OPRM1: variants seen among roughly 807,000 people sequenced by gnomAD.
The protein encoded by OPRM1 is mu-type opioid receptor.
Under a neutral mutation model 31.8 loss-of-function variants are expected in OPRM1, and 27 were observed. The observed-to-expected ratio is 0.85, with a 90% CI of 0.63 to 1.17. The LOEUF (loss-of-function observed/expected upper bound fraction) is 1.17, where lower values mean the gene tolerates loss of function less well. OPRM1 is among the 50% of genes most tolerant of loss of function. OPRM1 has a pLI of 0.00. For missense variants in OPRM1, 536 were observed against 511.1 expected (o/e 1.05, Z -0.47); for synonymous variants, 196 against 189.9 (o/e 1.03, Z -0.26).
chr6:154,169,019 A>G (rs576829759), intron 3 of OPRM1, among the ~76,000 whole-genome samples: 1 of 152,018 alleles, frequency 6.6e-6, no homozygotes, highest in East Asian at 1.9e-4. Context: ...AACAACTCCA[A>G]AAGTCTTAAC....
intron 1 of OPRM1, among the ~76,000 whole-genome samples, chr6:154,049,519 G>T (rs1781800120): frequency 6.6e-6 from 1 of 152,112 alleles, no homozygotes; most frequent in Admixed American, 6.6e-5. Flanking sequence ...AATATTAATA[G>T]ATTTTAGTGA....
At chr6:154,153,614 G>C (rs1042575454) in intron 3 of OPRM1, among the ~76,000 whole-genome samples, 3 of 151,854 alleles carry the variant, frequency 2.0e-5, no homozygotes, top group African/African-American at 7.3e-5. Flanking sequence ...GAACCCGGGA[G>C]GCGGAGGTTG....
rs1797785335 is a variant in OPRM1, at chr6:154,129,831, C to T, written c.*11110C>T. On this transcript the variant is annotated 3_prime_UTR_variant, in exon 4 of 4. Transcript: ENST00000330432. ...ACTTTGCATTTTAAGCGTACTTTAC[C>T]ACCGACACCCTCCCCCCCCAGCACA... 6.8e-6 allele frequency among the ~76,000 whole-genome samples: 1 copy of T among 146,734 alleles called. No homozygotes were observed. Among genetic ancestry groups the T allele is most frequent in the Admixed American group, 6.8e-5 (1 of 14,720 alleles).
Position 154,130,153 on chromosome 6 carries a change from G to T in OPRM1, c.*11432G>T, listed in dbSNP as rs1198208305. ...TCTCTACCCAAACCATCGATTTCAT[G>T]GAAATGTTTAAATTTTCTTTTTTTT... On this transcript the variant is annotated 3_prime_UTR_variant, in exon 4 of 4. Transcript: ENST00000330432. Among the ~76,000 whole-genome samples, 1 of 146,234 alleles carries T rather than the reference G, an allele frequency of 6.8e-6. No homozygotes were observed. Among genetic ancestry groups the T allele is most frequent in the Non-Finnish European group, 1.5e-5 (1 of 67,366 alleles).
intron 3 of OPRM1, among the ~76,000 whole-genome samples, chr6:154,099,959 T>G (rs1794307380): frequency 7.0e-6 from 1 of 141,982 alleles, no homozygotes; most frequent in African/African-American, 2.6e-5. Flanking sequence ...AACATATATA[T>G]TATCATATTA....
At chr6:154,214,026 T>C (rs888797583) in intron 3 of OPRM1, among the ~76,000 whole-genome samples, 1 of 152,184 alleles carries the variant, frequency 6.6e-6, no homozygotes, top group African/African-American at 2.4e-5. Flanking sequence ...ATAGCCAGCA[T>C]GGGAAGCTCT....
At chr6:154,072,437 C>A (rs1786990235) in intron 1 of OPRM1, among the ~76,000 whole-genome samples, 3 of 152,184 alleles carry the variant, frequency 2.0e-5, no homozygotes, top group Admixed American at 2.0e-4. Context: ...AATGTATTTT[C>A]AAATTCATTG....
chr6:154,043,980 AC>A (rs1176073767), intron 1 of OPRM1, among the ~76,000 whole-genome samples: 1 of 152,104 alleles, frequency 6.6e-6, no homozygotes, highest in East Asian at 1.9e-4. Flanking sequence ...TTACCAATCA[AC>A]GAGTTTCCTA....
At chr6:154,187,036 T>C (rs1228733464) in intron 3 of OPRM1, among the ~76,000 whole-genome samples, 1 of 151,970 alleles carries the variant, frequency 6.6e-6, no homozygotes, top group Non-Finnish European at 1.5e-5. Context: ...CGCCCTCCAC[T>C]CTACACACTC....
chr6:154,219,985 A>AGAGT (rs1778731446), intron 3 of OPRM1, among the ~76,000 whole-genome samples: 4 of 140,052 alleles, frequency 2.9e-5, no homozygotes, highest in African/African-American at 1.1e-4. Context: ...ACCTGTAAGG[A>AGAGT]GTGTGTGTGT....
rs547724432 is a variant in OPRM1, at chr6:154,105,548, A to G, written c.1165-13135A>G. On this transcript the variant is annotated intron_variant, in intron 3 of 3. Coordinates refer to ENST00000330432, the MANE Select transcript of OPRM1 (RefSeq NM_000914.5). ...TAGTTGATTATAAATCATCTTCTAAAGAGGATTAAAACAAGACAACAATTT... is the reference window on the plus strand; with the variant it reads ...TAGTTGATTATAAATCATCTTCTAAGGAGGATTAAAACAAGACAACAATTT... Among the ~76,000 whole-genome samples the G allele has an allele frequency of 9.8e-5, 15 of 152,340 alleles. No individual in the cohort carries two copies. The South Asian group carries it at 2.9e-3, about 29-fold the overall frequency.
chr6:154,171,383 C>G (rs917863348), intron 3 of OPRM1, among the ~76,000 whole-genome samples: 1 of 152,042 alleles, frequency 6.6e-6, no homozygotes, highest in Non-Finnish European at 1.5e-5. Context: ...CCACATATTG[C>G]GTGATTCCAT....
At chr6:154,246,388 A>G (rs113278918) in intron 3 of OPRM1, among the ~76,000 whole-genome samples, 1 of 152,204 alleles carries the variant, frequency 6.6e-6, no homozygotes, top group African/African-American at 2.4e-5. Flanking sequence ...GAGTAGTCAA[A>G]CAGGATGGGT....
chr6:154,069,251 A>AT (rs533548746), intron 1 of OPRM1, among the ~76,000 whole-genome samples: 1 of 151,728 alleles, frequency 6.6e-6, no homozygotes, highest in Non-Finnish European at 1.5e-5. Flanking sequence ...GGCCTGTTTT[A>AT]TTTTTTGAGA....
Position 154,127,293 on chromosome 6 carries a change from G to C in OPRM1, c.*8572G>C, listed in dbSNP as rs969842040. The stretch of plus-strand genomic sequence containing the variant: ...CCATTATCATCTAAGGATTCCGCCA[G>C]AGACTTCCAAAAGAAGAGGTCTCAT... On this transcript the variant is annotated 3_prime_UTR_variant, in exon 4 of 4. Coordinates refer to ENST00000330432, the MANE Select transcript of OPRM1 (RefSeq NM_000914.5). 6.6e-6 allele frequency among the ~76,000 whole-genome samples: 1 copy of C among 152,136 alleles called. No homozygotes were observed. The highest frequency in any genetic ancestry group is 1.5e-5 in the Non-Finnish European group (1 of 68,040).
chr6:154,208,730 T>C (rs955354151), intron 3 of OPRM1, among the ~76,000 whole-genome samples: 1 of 152,244 alleles, frequency 6.6e-6, no homozygotes, highest in Non-Finnish European at 1.5e-5. Context: ...GTGACTTTTA[T>C]AGCTCTTAAC....
intron 3 of OPRM1, among the ~76,000 whole-genome samples, chr6:154,169,721 C>T (rs1399028011): frequency 6.6e-6 from 1 of 152,208 alleles, no homozygotes; most frequent in Non-Finnish European, 1.5e-5. Context: ...AGTGAAGCCA[C>T]TCCACCACAG....
At chr6:154,212,755 T>G in intron 3 of OPRM1, 1 of 1,565,064 alleles carries the variant, frequency 6.4e-7, no homozygotes, top group Non-Finnish European at 8.8e-7. Context: ...ACAGACTACT[T>G]ATGTCGGTAC....
chr6:154,147,018 G>C (rs1356984492), intron 3 of OPRM1, among the ~76,000 whole-genome samples: 3 of 152,180 alleles, frequency 2.0e-5, no homozygotes, highest in Non-Finnish European at 4.4e-5. Flanking sequence ...TACCTTAAGG[G>C]AAATGGACTT....
Sources: allele counts gnomAD v4.1 joint callset (sites outside exome capture counted in the v4.1 genomes callset), GRCh38; gene constraint gnomAD v4.1.1; transcripts MANE v1.5; gene names NCBI Gene and HGNC (gene_info 2026-07-23, HGNC 2026-07-21).